TCAF2: variants seen among roughly 807,000 people sequenced by gnomAD.
The protein encoded by TCAF2 is TRPM8 channel associated factor 2, also known as TRPM8 channel-associated factor 2.
A neutral mutation model predicts 33.9 loss-of-function variants in TCAF2; 6 were observed. That is an observed-to-expected ratio of 0.18 (90% CI 0.10 to 0.35). The LOEUF (loss-of-function observed/expected upper bound fraction) is 0.35, where lower values mean the gene tolerates loss of function less well. Ranked by LOEUF, TCAF2 falls within the 10% of genes least tolerant of loss-of-function variation. TCAF2 has a pLI of 1.00. For synonymous variants in TCAF2, 41 were observed against 247.8 expected (o/e 0.17, Z 7.84); for missense variants, 109 against 604.0 (o/e 0.18, Z 8.59).
At chr7:143,721,612 C>A (rs1586688514) in intron 4 of TCAF2, among the ~76,000 whole-genome samples, 1 of 78,684 alleles carries the variant, frequency 1.3e-5, no homozygotes, top group Non-Finnish European at 2.5e-5. Flanking sequence ...GACTAGAAGC[C>A]AAAACTATGA....
Position 143,724,504 on chromosome 7 carries a change from C to T in TCAF2, c.2312C>T (p.Pro771Leu). 6.2e-7 allele frequency: 1 copy of T among 1,611,184 alleles called. No homozygotes were observed. Among genetic ancestry groups the T allele is most frequent in the Non-Finnish European group, 8.5e-7 (1 of 1,179,572 alleles). The change falls in exon 7 of 8, where the codon CCC (proline) becomes CTC (leucine). Residue 771 changes from proline to leucine, a missense_variant. By Grantham distance (98) the Pro-to-Leu change is moderately conservative. Transcript: ENST00000684770. ...CAACAGCGGCATGGATGGGAGTTCCCCCCACACACTACTGAGGCCACCTGT... is the reference window on the plus strand; with the variant it reads ...CAACAGCGGCATGGATGGGAGTTCCTCCCACACACTACTGAGGCCACCTGT... The part of the protein sequence containing the change: ...HNQQRHGWEF[P>L]PHTTEATCNL...
At chr7:143,707,833 A>G (rs1809265163) in intron 2 of TCAF2, among the ~76,000 whole-genome samples, 1 of 150,850 alleles carries the variant, frequency 6.6e-6, no homozygotes, top group Non-Finnish European at 1.5e-5. Flanking sequence ...CACGAACCCT[A>G]TTGCAAACTG....
chr7:143,724,510 A>G lies in TCAF2; in HGVS notation c.2318A>G (p.His773Arg). The G allele has an allele frequency of 1.2e-6, 2 of 1,611,180 alleles. No homozygotes were observed. The highest frequency in any genetic ancestry group is 2.2e-5 in the South Asian group (2 of 90,934). Residue 773 changes from histidine (H) to arginine (R), a missense_variant, in exon 7 of 8, where the codon CAC becomes CGC. Transcript: ENST00000684770. ...QQRHGWEFPP[H>R]TTEATCNLWS... is the part of the protein sequence containing the mutation. ...CGGCATGGATGGGAGTTCCCCCCACACACTACTGAGGCCACCTGTAACCTT... is the reference window on the plus strand; with the variant it reads ...CGGCATGGATGGGAGTTCCCCCCACGCACTACTGAGGCCACCTGTAACCTT...
At chr7:143,701,795 T>TATTTTATTTTATTTTATTTC (rs1809173643) in intron 1 of TCAF2, among the ~76,000 whole-genome samples, 1 of 122,836 alleles carries the variant, frequency 8.1e-6, no homozygotes, top group East Asian at 2.1e-4. Context: ...TATTTTATTT[T>TATTTTATTTTATTTTATTTC]ATTTTATTTT....
chr7:143,718,368 A>C (rs1301061373), intron 2 of TCAF2, among the ~76,000 whole-genome samples: 15 of 148,272 alleles, frequency 1.0e-4, no homozygotes, highest in African/African-American at 3.2e-4. Flanking sequence ...ATATTTTGAT[A>C]AATATGCTTT....
At chr7:143,701,747 CTTTAT>C (rs1317801516) in intron 1 of TCAF2, among the ~76,000 whole-genome samples, 16 of 86,494 alleles carry the variant, frequency 1.8e-4, no homozygotes, top group African/African-American at 6.4e-4. Flanking sequence ...ATATTCTTTG[CTTTAT>C]TTTATTTTAC....
At position 143,720,934 on chromosome 7, in the gene TCAF2, C is replaced by A; in HGVS notation, c.1615+260C>A. 5.7e-6 allele frequency: 2 copies of A among 348,986 alleles called. 1 individual carries two copies. The highest frequency in any genetic ancestry group is 1.0e-5 in the Non-Finnish European group (2 of 196,644). 21.6% of individuals were successfully genotyped at this position (348,986 alleles called of 1,614,324 possible). On this transcript the variant is annotated intron_variant, in intron 3 of 7. Coordinates refer to ENST00000684770, the MANE Select transcript of TCAF2 (RefSeq NM_001363538.2). ...TGCTGGGACTACAGGCACACGCCAC[C>A]ATGCCTGGCTAATTTTTGTATTTTT...
chr7:143,718,482 C>T (rs1436572730), intron 2 of TCAF2, among the ~76,000 whole-genome samples: 2 of 151,930 alleles, frequency 1.3e-5, no homozygotes, highest in Admixed American at 6.6e-5. Flanking sequence ...AAAACTTTTT[C>T]CATTAAGCAT....
chr7:143,727,339 ATATT>A (rs1809698543), intron 7 of TCAF2, 70 bp from the exon 8 acceptor site: 1 of 1,300,104 alleles, frequency 7.7e-7, no homozygotes, highest in Admixed American at 2.8e-5. Context: ...TGAATGAAAT[ATATT>A]TAAGAACGCA....
chr7:143,728,840 A>G lies in TCAF2; in HGVS notation c.*1173A>G, dbSNP rs915354891. 5.3e-5 allele frequency: 8 copies of G among 152,270 alleles called. No homozygotes were observed. Among genetic ancestry groups the G allele is most frequent in the Admixed American group, 5.2e-4 (8 of 15,298 alleles). 9.4% of individuals were successfully genotyped at this position (152,270 alleles called of 1,614,324 possible). A position where few individuals can be genotyped will look rare whatever the true frequency, so the allele number is the denominator to read the frequency against. ...TCATTGGAGATTTGTCTCTGGGATT[A>G]ATGAGTGTATGCCTAGCTACTTTCT... On this transcript the variant is annotated 3_prime_UTR_variant, in exon 8 of 8. Coordinates refer to ENST00000684770, the MANE Select transcript of TCAF2 (RefSeq NM_001363538.2).
chr7:143,718,633 C>G (rs1206467500), intron 2 of TCAF2, among the ~76,000 whole-genome samples: 4 of 136,270 alleles, frequency 2.9e-5, no homozygotes, highest in Non-Finnish European at 4.7e-5. Context: ...AAATACAAAG[C>G]CTTTTCTTGA....
chr7:143,724,874 G>A (rs965854230), intron 7 of TCAF2, 177 bp downstream of exon 7: 5 of 1,464,692 alleles, frequency 3.4e-6, no homozygotes, highest in Non-Finnish European at 4.5e-6. Flanking sequence ...CCCCTCTAAG[G>A]CAGAGAGAAT....
rs1208607652 is a variant in TCAF2, at chr7:143,622,597, A to G, written c.-12+1577A>G. Among the ~76,000 whole-genome samples, 55 of 37,608 alleles carry G rather than the reference A, an allele frequency of 1.5e-3. 24 individuals are homozygous for G. The highest frequency in any genetic ancestry group is 2.9e-3 in the Non-Finnish European group (46 of 15,936). 24.7% of individuals were successfully genotyped at this position (37,608 alleles called of 152,430 possible). ...ACTTTACTTTATTTTATTTTATTTT[A>G]TTTTATTTTATTTTTTGAGGCAGAG... On this transcript the variant is annotated intron_variant, in intron 1 of 7. Coordinates refer to ENST00000684770, the MANE Select transcript of TCAF2 (RefSeq NM_001363538.2).
In TCAF2 at chr7:143,728,987, C is replaced by G. The variant is rs1809750444; in HGVS notation, c.*1320C>G. ...GGGCATGTCTTTTGCTGAATCCCGT[C>G]AGCATATTTAACAAATTCCCAATTC... On this transcript the variant is annotated 3_prime_UTR_variant, in exon 8 of 8. Transcript: ENST00000684770. 1 of 152,178 alleles carries G rather than the reference C, an allele frequency of 6.6e-6. No homozygotes were observed. The highest frequency in any genetic ancestry group is 2.1e-4 in the South Asian group (1 of 4,834). 9.4% of individuals were successfully genotyped at this position (152,178 alleles called of 1,614,324 possible). A position where few individuals can be genotyped will look rare whatever the true frequency, so the allele number is the denominator to read the frequency against.
chr7:143,648,576 T>A (rs1809114648), intron 1 of TCAF2, among the ~76,000 whole-genome samples: 1 of 88,408 alleles, frequency 1.1e-5, no homozygotes, highest in Non-Finnish European at 2.6e-5. Context: ...ACATCACAAT[T>A]AAATTGTATA....
At chr7:143,724,225 TC>T (rs1329901728) in intron 6 of TCAF2, 134 bp from the exon 7 acceptor site, 1 of 582,582 alleles carries the variant, frequency 1.7e-6, no homozygotes, top group African/African-American at 2.9e-5. Flanking sequence ...CTATTTGCTT[TC>T]CAATCAGCAC....
In TCAF2 at chr7:143,729,888, C is replaced by T. The variant is rs1241153882; in HGVS notation, c.*2221C>T. The T allele has an allele frequency of 6.6e-6, 1 of 152,086 alleles. No individual in the cohort carries two copies. The highest frequency in any genetic ancestry group is 2.4e-5 in the African/African-American group (1 of 41,396). The allele number at this position is 152,086 out of a possible 1,614,324, so 9.4% of individuals were successfully genotyped here. A position where few individuals can be genotyped will look rare whatever the true frequency, so the allele number is the denominator to read the frequency against. ...GGTTTTCTGTTCCTGTGTTAGTTTG[C>T]TGAGAATTATGGCTTCCAGCTTCAT... On this transcript the variant is annotated 3_prime_UTR_variant, in exon 8 of 8. Coordinates refer to ENST00000684770, the MANE Select transcript of TCAF2 (RefSeq NM_001363538.2).
chr7:143,728,991 AT>A lies in TCAF2; in HGVS notation c.*1325del, dbSNP rs775611074. 4.6e-5 allele frequency: 7 copies of A among 152,212 alleles called. No homozygotes were observed. The highest frequency in any genetic ancestry group is 7.3e-5 in the Non-Finnish European group (5 of 68,038). 9.4% of individuals were successfully genotyped at this position (152,212 alleles called of 1,614,324 possible). On this transcript the variant is annotated 3_prime_UTR_variant, in exon 8 of 8. Transcript: ENST00000684770. ...ATGTCTTTTGCTGAATCCCGTCAGCATATTTAACAAATTCCCAATTCTAGAT... is the reference window on the plus strand; with the variant it reads ...ATGTCTTTTGCTGAATCCCGTCAGCAATTTAACAAATTCCCAATTCTAGAT...
Position 143,728,662 on chromosome 7 carries a change from G to T in TCAF2, c.*995G>T, listed in dbSNP as rs1809739800. 1 of 152,252 alleles carries T rather than the reference G, an allele frequency of 6.6e-6. No individual in the cohort carries two copies. Among genetic ancestry groups the T allele is most frequent in the African/African-American group, 2.4e-5 (1 of 41,432 alleles). The allele number at this position is 152,252 out of a possible 1,614,324, so 9.4% of individuals were successfully genotyped here. Reference sequence around the variant, plus strand: ...GGAATCAAGGCACTGTCAAGTGGTGGGGGGTCCACAGGCACAGTGGGCTTC... The same window carrying T: ...GGAATCAAGGCACTGTCAAGTGGTGTGGGGTCCACAGGCACAGTGGGCTTC... On this transcript the variant is annotated 3_prime_UTR_variant, in exon 8 of 8. Coordinates refer to ENST00000684770, the MANE Select transcript of TCAF2 (RefSeq NM_001363538.2).
Sources: allele counts gnomAD v4.1 joint callset (sites outside exome capture counted in the v4.1 genomes callset), GRCh38; gene constraint gnomAD v4.1.1; transcripts MANE v1.5; gene names NCBI Gene and HGNC (gene_info 2026-07-23, HGNC 2026-07-21).